ERICH6: variants seen among roughly 807,000 people sequenced by gnomAD.
The protein encoded by ERICH6 is glutamate-rich protein 6.
In ERICH6, 71 loss-of-function variants were observed where a neutral mutation model predicts 71.0. The observed-to-expected ratio is 1.00, with a 90% CI of 0.83 to 1.22. The LOEUF (loss-of-function observed/expected upper bound fraction) is 1.22. Ranked by LOEUF, ERICH6 falls within the 50% of genes most tolerant of loss-of-function variation. The probability of loss-of-function intolerance (pLI) is 0.00; values close to 1 mark genes in which losing one functional copy is unlikely to be tolerated. For missense variants in ERICH6, 808 were observed against 797.2 expected (o/e 1.01, Z -0.16); for synonymous variants, 262 against 278.4 (o/e 0.94, Z 0.59).
intron 3 of ERICH6, among the ~76,000 whole-genome samples, chr3:150,688,962 C>T (rs1016764535): frequency 5.3e-5 from 8 of 152,158 alleles, no homozygotes; most frequent in African/African-American, 1.7e-4. Flanking sequence ...CTAAATTAAC[C>T]GAGGCCTGTC....
chr3:150,689,434 T>C (rs941849880), intron 3 of ERICH6, among the ~76,000 whole-genome samples: 2 of 152,202 alleles, frequency 1.3e-5, no homozygotes, highest in Non-Finnish European at 2.9e-5. Context: ...TGTTCCTAAA[T>C]CAAGCCCTTT....
At chr3:150,678,337 G>A in intron 10 of ERICH6, 72 bp downstream of exon 10, 1 of 1,436,534 alleles carries the variant, frequency 7.0e-7, no homozygotes, top group Non-Finnish European at 9.3e-7. Context: ...CAAGCTTCAT[G>A]AAAGACTTTA....
At position 150,691,474 on chromosome 3, in the gene ERICH6, G is replaced by A. The variant is rs549645517; in HGVS notation, c.554-5120C>T. On this transcript the variant is annotated intron_variant, in intron 3 of 13. Coordinates refer to ENST00000295910, the MANE Select transcript of ERICH6 (RefSeq NM_152394.5). ...AAATAAAGAGGTTTATTTGTTTTTTGTAAGAAAGCTTAAAGAGAAATAATT... is the reference window on the plus strand; with the variant it reads ...AAATAAAGAGGTTTATTTGTTTTTTATAAGAAAGCTTAAAGAGAAATAATT... Among the ~76,000 whole-genome samples the A allele has an allele frequency of 9.2e-5, 14 of 152,134 alleles. No individual in the cohort carries two copies. In the South Asian group the frequency reaches 2.9e-3, roughly 32 times the overall value.
chr3:150,661,858 G>A (rs1727235521), intron 13 of ERICH6, among the ~76,000 whole-genome samples: 1 of 152,012 alleles, frequency 6.6e-6, no homozygotes, highest in East Asian at 1.9e-4. Flanking sequence ...TCCAGCCTGG[G>A]TGACAGAGCA....
In ERICH6 at chr3:150,702,242, C is replaced by G. The variant is rs932970701; in HGVS notation, c.404-64G>C. The G allele has an allele frequency of 2.4e-5, 23 of 963,890 alleles. No homozygotes were observed. In the South Asian group the frequency reaches 2.7e-4, roughly 11 times the overall value. 59.7% of individuals were successfully genotyped at this position (963,890 alleles called of 1,614,324 possible). ...AAATCAAAAGGTCAATTCTACCCCC[C>G]CCAGGAACACATGGCAATGTCTGGA... On this transcript the variant is annotated intron_variant, in intron 1 of 13. Transcript: ENST00000295910.
chr3:150,682,388 C>A lies in ERICH6; in HGVS notation c.784-72G>T. 6.2e-6 allele frequency: 7 copies of A among 1,130,286 alleles called. No homozygotes were observed. In the South Asian group the frequency reaches 8.9e-5, roughly 14 times the overall value. The allele number at this position is 1,130,286 out of a possible 1,614,324, so 70.0% of individuals were successfully genotyped here. On this transcript the variant is annotated intron_variant, in intron 6 of 13. Coordinates refer to ENST00000295910, the MANE Select transcript of ERICH6 (RefSeq NM_152394.5). The stretch of plus-strand genomic sequence containing the variant: ...CCAGAGGCTCTGAGAGCAGCAGGAG[C>A]ACGACCCTGGGCATGGTCAGTGAAT...
At chr3:150,689,310 A>G (rs1197378223) in intron 3 of ERICH6, among the ~76,000 whole-genome samples, 1 of 152,168 alleles carries the variant, frequency 6.6e-6, no homozygotes, top group East Asian at 1.9e-4. Context: ...ATCTTTACAT[A>G]ACAAGGCCAC....
chr3:150,687,815 T>A (rs547207719), intron 3 of ERICH6, among the ~76,000 whole-genome samples: 1 of 152,174 alleles, frequency 6.6e-6, no homozygotes, highest in Non-Finnish European at 1.5e-5. Context: ...TGGAGACAGA[T>A]AGGCTTCAGA....
In ERICH6 at chr3:150,703,476, G is replaced by C; in HGVS notation, c.403+20C>G. Reference sequence around the variant, plus strand: ...TGGAGACGAGAAACCCTCGAGGAAGGGGTGGGTCGGGGGCGGTACTTTTAT... The same window carrying C: ...TGGAGACGAGAAACCCTCGAGGAAGCGGTGGGTCGGGGGCGGTACTTTTAT... On this transcript the variant is annotated intron_variant, in intron 1 of 13. Coordinates refer to ENST00000295910, the MANE Select transcript of ERICH6 (RefSeq NM_152394.5). 6.4e-7 allele frequency: 1 copy of C among 1,554,202 alleles called. No homozygotes were observed. Among genetic ancestry groups the C allele is most frequent in the Non-Finnish European group, 8.7e-7 (1 of 1,151,144 alleles).
intron 3 of ERICH6, among the ~76,000 whole-genome samples, chr3:150,695,975 A>G (rs530987224): frequency 3.3e-5 from 5 of 152,116 alleles, no homozygotes; most frequent in Admixed American, 2.6e-4. Flanking sequence ...CAAGTGCCCA[A>G]GAATAACTGG....
intron 11 of ERICH6, among the ~76,000 whole-genome samples, chr3:150,670,529 A>C (rs1711498634): frequency 6.6e-6 from 1 of 152,032 alleles, no homozygotes; most frequent in African/African-American, 2.4e-5. Flanking sequence ...TTTAGGGAAA[A>C]AAAAAAGGAA....
intron 3 of ERICH6, among the ~76,000 whole-genome samples, chr3:150,695,371 G>A (rs1005953270): frequency 6.6e-6 from 1 of 152,040 alleles, no homozygotes; most frequent in South Asian, 2.1e-4. Flanking sequence ...AAAGATTCTC[G>A]CCGGCTGTAG....
chr3:150,660,794 G>A (rs936845637), intron 13 of ERICH6, among the ~76,000 whole-genome samples: 11 of 152,186 alleles, frequency 7.2e-5, no homozygotes, highest in Admixed American at 6.5e-5. Flanking sequence ...CAGCCTAGAA[G>A]GGGCATTTAG....
At chr3:150,684,507 T>C (rs899158000) in intron 6 of ERICH6, among the ~76,000 whole-genome samples, 2 of 152,100 alleles carry the variant, frequency 1.3e-5, no homozygotes, top group Non-Finnish European at 2.9e-5. Flanking sequence ...TGAATAAACC[T>C]CCACCTTTAC....
chr3:150,702,090 A>C (rs1712895112), intron 2 of ERICH6, 31 bp downstream of exon 2: 2 of 1,444,860 alleles, frequency 1.4e-6, no homozygotes, highest in African/African-American at 2.8e-5. Context: ...ATTGGGTTCA[A>C]AAAATGTGAA....
intron 3 of ERICH6, among the ~76,000 whole-genome samples, chr3:150,688,382 T>C (rs975395680): frequency 2.6e-5 from 4 of 152,146 alleles, no homozygotes; most frequent in Admixed American, 6.5e-5. Flanking sequence ...ATTACATAAG[T>C]CACAATAACT....
At chr3:150,667,601 C>T (rs1464154670) in intron 12 of ERICH6, among the ~76,000 whole-genome samples, 3 of 152,100 alleles carry the variant, frequency 2.0e-5, no homozygotes, top group African/African-American at 4.8e-5. Flanking sequence ...ACCCACGAGG[C>T]GACCCCATCT....
chr3:150,695,582 C>A (rs146703322), intron 3 of ERICH6, among the ~76,000 whole-genome samples: 20,876 of 151,806 alleles, frequency 0.14, 1,547 homozygotes, highest in Non-Finnish European at 0.15. Context: ...GCAAGAGAAT[C>A]GCTTGAACCT....
intron 2 of ERICH6, among the ~76,000 whole-genome samples, chr3:150,699,272 C>A (rs1712769621): frequency 6.6e-6 from 1 of 152,222 alleles, no homozygotes; most frequent in African/African-American, 2.4e-5. Context: ...GATTGTGCCA[C>A]TGCACTCCAG....
Sources: gnomAD v4.1 joint callset for allele counts (sites outside exome capture counted in the v4.1 genomes callset) on GRCh38, gnomAD v4.1.1 for gene constraint, MANE v1.5 for transcripts, NCBI Gene and HGNC (gene_info 2026-07-23, HGNC 2026-07-21) for gene names.